The following ENTREP2 variants were observed in gnomAD, a reference collection of about 807,000 sequenced individuals.
ENTREP2 encodes protein ENTREP2.
At chr15:29,158,301 C>A in the ENTREP2 span, among the ~76,000 whole-genome samples, 3 of 152,162 alleles carry the variant, frequency 2.0e-5, no homozygotes, top group South Asian at 6.2e-4. Flanking sequence ...TCCCCTCCAG[C>A]TGTTTAAATA....
At chr15:29,572,109 TC>T in the ENTREP2 span, among the ~76,000 whole-genome samples, 1 of 152,058 alleles carries the variant, frequency 6.6e-6, no homozygotes, top group African/African-American at 2.4e-5. Context: ...AAATGCAAAT[TC>T]CCCTTGAAGG....
At chr15:29,493,528 G>C in the ENTREP2 span, among the ~76,000 whole-genome samples, 229 of 152,232 alleles carry the variant, frequency 1.5e-3, no homozygotes, top group Non-Finnish European at 2.3e-3. Flanking sequence ...CAGGCAGAAG[G>C]ATCACTTGAG....
At chr15:29,322,756 T>C in the ENTREP2 span, among the ~76,000 whole-genome samples, 1 of 152,250 alleles carries the variant, frequency 6.6e-6, no homozygotes, top group Admixed American at 6.5e-5. Flanking sequence ...GATTCAGTGA[T>C]GTGACCACAC....
At chr15:29,467,792 C>T in the ENTREP2 span, among the ~76,000 whole-genome samples, 3 of 152,182 alleles carry the variant, frequency 2.0e-5, no homozygotes, top group African/African-American at 7.2e-5. Flanking sequence ...CCAGACTGGC[C>T]TTTCTGCAGC....
the ENTREP2 span, among the ~76,000 whole-genome samples, chr15:29,558,725 C>T: frequency 6.8e-6 from 1 of 146,204 alleles, no homozygotes; most frequent in African/African-American, 2.6e-5. Context: ...TCTCTGCCAC[C>T]CTGACACAGC....
the ENTREP2 span, among the ~76,000 whole-genome samples, chr15:29,171,415 A>T: frequency 6.6e-5 from 10 of 152,102 alleles, no homozygotes; most frequent in Non-Finnish European, 1.2e-4. Flanking sequence ...CATCCTGGAC[A>T]CTCTACTGTC....
chr15:29,594,660 T>A, the ENTREP2 span, among the ~76,000 whole-genome samples: 19 of 152,238 alleles, frequency 1.2e-4, no homozygotes, highest in African/African-American at 4.6e-4. Context: ...ATTTGCTTTT[T>A]AAAAAATAAA....
At chr15:29,216,473 C>T in the ENTREP2 span, among the ~76,000 whole-genome samples, 1 of 152,114 alleles carries the variant, frequency 6.6e-6, no homozygotes, top group Non-Finnish European at 1.5e-5. Flanking sequence ...ATGGATTTCC[C>T]AGGTGTTCTT....
At chr15:29,217,103 G>A in the ENTREP2 span, among the ~76,000 whole-genome samples, 1 of 152,192 alleles carries the variant, frequency 6.6e-6, no homozygotes, top group Non-Finnish European at 1.5e-5. Context: ...CTAGGTGCAG[G>A]GGCTTTAAGA....
At chr15:29,202,747 G>C in the ENTREP2 span, among the ~76,000 whole-genome samples, 1 of 152,038 alleles carries the variant, frequency 6.6e-6, no homozygotes, top group Non-Finnish European at 1.5e-5. Flanking sequence ...TTGGTTTTCT[G>C]TTCCTGTGTT....
the ENTREP2 span, among the ~76,000 whole-genome samples, chr15:29,454,321 T>C: frequency 1.3e-5 from 2 of 152,244 alleles, no homozygotes; most frequent in African/African-American, 2.4e-5. Context: ...GCTTTTAGTA[T>C]AATAGGGATG....
At chr15:29,155,475 A>G in the ENTREP2 span, among the ~76,000 whole-genome samples, 2 of 152,094 alleles carry the variant, frequency 1.3e-5, no homozygotes, top group African/African-American at 2.4e-5. Flanking sequence ...TCCCAGACTC[A>G]GGTCGTTTCT....
At chr15:29,667,763 T>TGGGATTATAGGC in the ENTREP2 span, among the ~76,000 whole-genome samples, 2 of 152,142 alleles carry the variant, frequency 1.3e-5, no homozygotes, top group East Asian at 3.9e-4. Flanking sequence ...CCCAAAGTGC[T>TGGGATTATAGGC]GGGATTATAG....
At chr15:29,438,440 A>G in the ENTREP2 span, among the ~76,000 whole-genome samples, 2 of 152,160 alleles carry the variant, frequency 1.3e-5, no homozygotes, top group Admixed American at 1.3e-4. Context: ...AATATATTGT[A>G]AAAGTGTCAC....
At chr15:29,162,791 C>T in the ENTREP2 span, among the ~76,000 whole-genome samples, 1 of 152,002 alleles carries the variant, frequency 6.6e-6, no homozygotes, top group Non-Finnish European at 1.5e-5. Context: ...CAGCCAGTCC[C>T]TCTCAAACTA....
At chr15:29,404,421 G>A in the ENTREP2 span, among the ~76,000 whole-genome samples, 5 of 151,734 alleles carry the variant, frequency 3.3e-5, no homozygotes, top group African/African-American at 1.2e-4. Flanking sequence ...CCCCTCACTG[G>A]CACAGGCAGA....
chr15:29,290,226 G>A, the ENTREP2 span, among the ~76,000 whole-genome samples: 1 of 152,130 alleles, frequency 6.6e-6, no homozygotes, highest in Non-Finnish European at 1.5e-5. Context: ...CTTTCCCTGA[G>A]GGCACTCTCC....
chr15:29,461,105 T>C, the ENTREP2 span, among the ~76,000 whole-genome samples: 1 of 152,206 alleles, frequency 6.6e-6, no homozygotes, highest in African/African-American at 2.4e-5. Context: ...TTATCTATTT[T>C]CATGGATGTT....
the ENTREP2 span, among the ~76,000 whole-genome samples, chr15:29,529,814 C>G: frequency 2.0e-5 from 3 of 152,138 alleles, no homozygotes; most frequent in African/African-American, 7.2e-5. Flanking sequence ...TACAAACTAC[C>G]TCATTTTAGA....
Sources: gnomAD v4.1 joint callset for allele counts (sites outside exome capture counted in the v4.1 genomes callset) on GRCh38, gnomAD v4.1.1 for gene constraint, MANE v1.5 for transcripts, NCBI Gene and HGNC (gene_info 2026-07-23, HGNC 2026-07-21) for gene names.